The following TRPC5 variants were observed in gnomAD, a reference collection of about 807,000 sequenced individuals.
TRPC5 encodes short transient receptor potential channel 5.
A neutral mutation model predicts 56.5 loss-of-function variants in TRPC5; 9 were observed. The ratio of observed to expected loss-of-function variants is 0.16; its 90% confidence interval spans 0.10 to 0.28. The LOEUF (loss-of-function observed/expected upper bound fraction) is 0.28. TRPC5 is among the 10% of genes least tolerant of loss of function. The pLI is 1.00. For missense variants in TRPC5, 469 were observed against 748.9 expected (o/e 0.63, Z 4.36); for synonymous variants, 282 against 278.5 (o/e 1.01, Z -0.13).
intron 7 of TRPC5, among the ~76,000 whole-genome samples, chrX:111,784,549 G>C (rs1366304308): frequency 8.9e-6 from 1 of 111,790 alleles, no homozygotes; most frequent in Non-Finnish European, 1.9e-5. Flanking sequence ...TGAGGTAACT[G>C]GTTCATCTCA....
At chrX:112,062,087 T>C (rs1373411459) in intron 1 of TRPC5, among the ~76,000 whole-genome samples, 3 of 112,099 alleles carry the variant, frequency 2.7e-5, no homozygotes, top group African/African-American at 9.7e-5. Context: ...TAGAATTTAA[T>C]TGTATTGGCT....
Position 112,066,711 on chromosome X carries a change from TGA to T in TRPC5, c.-22+15166_-22+15167del, listed in dbSNP as rs764825291. 8.0e-5 allele frequency among the ~76,000 whole-genome samples: 9 copies of T among 112,589 alleles called. No homozygotes were observed. The East Asian group carries it at 1.7e-3, about 21-fold the overall frequency. ...TCTCAGAGGGCTGTGATGAGGGTTA[TGA>T]GAGTCAATATTTGTAAAGCACTTAG... On this transcript the variant is annotated intron_variant, in intron 1 of 10. Coordinates refer to ENST00000262839, the MANE Select transcript of TRPC5 (RefSeq NM_012471.3).
At chrX:111,902,006 G>A in intron 3 of TRPC5, 5 of 1,155,694 alleles carry the variant, frequency 4.3e-6, no homozygotes, top group Non-Finnish European at 5.7e-6. Flanking sequence ...TGAAGCAGAT[G>A]CACCTCTTCC....
intron 1 of TRPC5, among the ~76,000 whole-genome samples, chrX:112,070,758 C>CCCCA (rs370299776): frequency 4.6e-5 from 5 of 108,314 alleles, no homozygotes; most frequent in African/African-American, 1.7e-4. Context: ...TGCCCCCCCC[C>CCCCA]AAAGTTACTT....
chrX:111,874,733 A>G (rs12007797), intron 3 of TRPC5, among the ~76,000 whole-genome samples: 8,608 of 112,132 alleles, frequency 0.077, 756 homozygotes, highest in African/African-American at 0.25. Flanking sequence ...CTCTAACTTG[A>G]GGTGATCAAA....
intron 7 of TRPC5, among the ~76,000 whole-genome samples, chrX:111,795,343 TA>T (rs771321608): frequency 2.7e-5 from 3 of 110,286 alleles, no homozygotes; most frequent in African/African-American, 9.9e-5. Flanking sequence ...ACCTTTTTTT[TA>T]AAAAAAAATC....
At chrX:111,792,025 G>A (rs1053105885) in intron 7 of TRPC5, among the ~76,000 whole-genome samples, 1 of 112,179 alleles carries the variant, frequency 8.9e-6, no homozygotes, top group African/African-American at 3.2e-5. Context: ...TACTGAAGCA[G>A]TATTTACAAT....
intron 1 of TRPC5, among the ~76,000 whole-genome samples, chrX:112,070,564 C>G (rs1254760703): frequency 1.8e-5 from 2 of 111,207 alleles, no homozygotes; most frequent in African/African-American, 6.6e-5. Flanking sequence ...ATATTTGCAT[C>G]CAACTCGATT....
At chrX:111,999,295 A>T (rs1164546190) in intron 1 of TRPC5, among the ~76,000 whole-genome samples, 1 of 111,506 alleles carries the variant, frequency 9.0e-6, no homozygotes, top group Non-Finnish European at 1.9e-5. Context: ...GCCTCTTGGA[A>T]ACACTATTTT....
At chrX:111,998,537 T>G (rs1928608012) in intron 1 of TRPC5, among the ~76,000 whole-genome samples, 1 of 111,866 alleles carries the variant, frequency 8.9e-6, no homozygotes, top group Admixed American at 9.6e-5. Flanking sequence ...CAGTCAGCCC[T>G]GCCAAACCCA....
At chrX:111,844,407 T>G (rs1409538994) in intron 6 of TRPC5, among the ~76,000 whole-genome samples, 2 of 111,011 alleles carry the variant, frequency 1.8e-5, no homozygotes, top group Non-Finnish European at 3.8e-5. Context: ...GAGTTTCCCT[T>G]AAATTGTATG....
At chrX:111,936,865 T>A (rs1350980456) in intron 2 of TRPC5, among the ~76,000 whole-genome samples, 1 of 99,226 alleles carries the variant, frequency 1.0e-5, no homozygotes, top group South Asian at 4.7e-4. Context: ...TACCCAGTAA[T>A]GGGATGGCTG....
intron 1 of TRPC5, among the ~76,000 whole-genome samples, chrX:112,048,804 T>G (rs754309497): frequency 1.6e-3 from 174 of 112,232 alleles, no homozygotes; most frequent in African/African-American, 5.4e-3. Context: ...GTAATGAGCA[T>G]GGTTAACTCA....
At chrX:111,886,313 C>T (rs1924493464) in intron 3 of TRPC5, among the ~76,000 whole-genome samples, 1 of 112,261 alleles carries the variant, frequency 8.9e-6, no homozygotes, top group Non-Finnish European at 1.9e-5. Context: ...TTCCATCCGG[C>T]CTACTTCCTC....
At chrX:112,072,272 C>T (rs1011507962) in intron 1 of TRPC5, among the ~76,000 whole-genome samples, 1 of 111,936 alleles carries the variant, frequency 8.9e-6, no homozygotes, top group Non-Finnish European at 1.9e-5. Flanking sequence ...ACAGCATTTC[C>T]TTCATAAGGT....
chrX:111,945,696 G>A (rs1926915933), intron 2 of TRPC5, among the ~76,000 whole-genome samples: 1 of 112,109 alleles, frequency 8.9e-6, no homozygotes, highest in Non-Finnish European at 1.9e-5. Flanking sequence ...ACGGGGAAGA[G>A]CACAAGAGTC....
intron 7 of TRPC5, 46 bp from the exon 8 acceptor site, chrX:111,782,184 C>G: frequency 9.3e-7 from 1 of 1,078,724 alleles, no homozygotes; most frequent in African/African-American, 1.8e-5. Context: ...GGAAACTGCA[C>G]GATGTACTCA....
Position 111,847,434 on chromosome X carries a change from A to G in TRPC5, c.1380T>C (p.Tyr460=), listed in dbSNP as rs765753649. Residue 460 remains tyrosine (Y), a splice_region_variant and synonymous_variant, in exon 6 of 11, where the codon TAT becomes TAC. Transcript: ENST00000262839. ...ISLKIVAYVK[Y]NGSRPREEWE... ...ATTCCTCCCTTGGACGAGAACCATT[A>G]TACTGAAAGAAACAACAAGTGCACA... 16 of 1,202,430 alleles carry G rather than the reference A, an allele frequency of 1.3e-5. No individual in the cohort carries two copies. Among genetic ancestry groups the G allele is most frequent in the South Asian group, 1.8e-5 (1 of 55,929 alleles).
At chrX:111,902,330 G>T (rs1925395481) in intron 3 of TRPC5, 2 of 387,892 alleles carry the variant, frequency 5.2e-6, no homozygotes, top group African/African-American at 2.6e-5. Context: ...TAACAAGTGA[G>T]ATTTGATTTA....
Sources: gnomAD v4.1 joint callset for allele counts (sites outside exome capture counted in the v4.1 genomes callset) on GRCh38, gnomAD v4.1.1 for gene constraint, MANE v1.5 for transcripts, NCBI Gene and HGNC (gene_info 2026-07-23, HGNC 2026-07-21) for gene names.